GPS2: variants seen among roughly 807,000 people sequenced by gnomAD.
The protein encoded by GPS2 is G protein pathway suppressor 2.
Under a neutral mutation model 48.1 loss-of-function variants are expected in GPS2, and 22 were observed. The observed-to-expected ratio is 0.46, with a 90% confidence interval of 0.33 to 0.65. The LOEUF is 0.65. Ranked by LOEUF, GPS2 falls within the 30% of genes least tolerant of loss-of-function variation. The pLI, the probability that GPS2 is intolerant of heterozygous loss-of-function variation, is 0.03. For missense variants in GPS2, 366 were observed against 406.8 expected (o/e 0.90, Z 0.86); for synonymous variants, 202 against 142.5 (o/e 1.42, Z -2.98).
In GPS2 at chr17:7,315,312, G is replaced by T; in HGVS notation, c.-68+19C>A. 2.6e-6 allele frequency: 1 copy of T among 377,546 alleles called. No individual in the cohort carries two copies. The highest frequency in any genetic ancestry group is 4.7e-6 in the Non-Finnish European group (1 of 213,030). The allele number at this position is 377,546 out of a possible 1,614,324, so 23.4% of individuals were successfully genotyped here. On this transcript the variant is annotated intron_variant, in intron 1 of 10. Coordinates refer to ENST00000380728, the MANE Select transcript of GPS2 (RefSeq NM_004489.5). ...CTGCCGCTCCCTGCCCAGCCAGCGC[G>T]GACGACTGCCCTTCCTACCCGCCTT...
chr17:7,314,137 CTGA>C lies in GPS2; in HGVS notation c.337_339del (p.Ser113del), dbSNP rs1259510122. 6.2e-7 allele frequency: 1 copy of C among 1,613,900 alleles called. No homozygotes were observed. The highest frequency in any genetic ancestry group is 1.3e-5 in the African/African-American group (1 of 74,898). ...ACAGTCAGGCTCTGCTGGTATGCAGCTGATGTTAGGGTGGTCAGGTCACTGGAG... is the reference window on the plus strand; with the variant it reads ...ACAGTCAGGCTCTGCTGGTATGCAGCTGTTAGGGTGGTCAGGTCACTGGAG... On this transcript the variant is annotated inframe_deletion, in exon 5 of 11. Coordinates refer to ENST00000380728, the MANE Select transcript of GPS2 (RefSeq NM_004489.5).
rs1166742047 is a variant in GPS2, at chr17:7,315,019, T to C, written c.34A>G (p.Asn12Asp). 1 of 1,603,228 alleles carries C rather than the reference T, an allele frequency of 6.2e-7. No individual in the cohort carries two copies. The highest frequency in any genetic ancestry group is 1.7e-5 in the Admixed American group (1 of 59,004). Residue 12 changes from asparagine to aspartate, a missense_variant, in exon 2 of 11, where the codon AAC (asparagine) becomes GAC (aspartate). Transcript: ENST00000380728. ...PALLERPKLSNAMARALHRHI... is the reference protein window; with the variant it reads ...PALLERPKLSDAMARALHRHI... The stretch of plus-strand genomic sequence containing the variant: ...CGGTGCAGCGCCCTGGCCATGGCGT[T>C]GGAAAGCTTGGGGCGCTCCAGGAGT...
At position 7,313,680 on chromosome 17, in the gene GPS2, T is replaced by A; in HGVS notation, c.522A>T (p.Thr174=). The A allele has an allele frequency of 3.1e-6, 5 of 1,614,194 alleles. No individual in the cohort carries two copies. In the South Asian group the frequency reaches 4.4e-5, roughly 14 times the overall value. Residue 174 remains threonine (T), a synonymous_variant, in exon 7 of 11, where the codon ACA becomes ACT. Transcript: ENST00000380728. ...TGCCTTGGAATTGTCCATGCTCTGG[T>A]GTCCCTGCAAAAGCAGCTGCTGAGC... The part of the protein sequence containing the change: ...YVGSAAAFAG[T]PEHGQFQGSP...
intron 10 of GPS2, 90 bp from the exon 11 acceptor site, chr17:7,312,929 G>A (rs1292029859): frequency 7.4e-6 from 11 of 1,485,510 alleles, no homozygotes; most frequent in Middle Eastern, 3.5e-4. Context: ...CAAAGAGGAA[G>A]GAAAAACCAG....
chr17:7,313,736 T>C lies in GPS2; in HGVS notation c.481-15A>G, dbSNP rs370708649. The C allele has an allele frequency of 4.3e-6, 7 of 1,612,672 alleles. No individual in the cohort carries two copies. The highest frequency in any genetic ancestry group is 4.0e-5 in the African/African-American group (3 of 74,856). ...TAGTGCCGGGTCTAAGGAAGGAGAATGAGAACTCGCCTACAAACTCCTTGA... is the reference window on the plus strand; with the variant it reads ...TAGTGCCGGGTCTAAGGAAGGAGAACGAGAACTCGCCTACAAACTCCTTGA... On this transcript the variant is annotated splice_polypyrimidine_tract_variant and intron_variant, in intron 6 of 10. Coordinates refer to ENST00000380728, the MANE Select transcript of GPS2 (RefSeq NM_004489.5).
chr17:7,314,191 G>C (rs372956581), intron 4 of GPS2, 32 bp from the exon 5 acceptor site: 1 of 1,598,018 alleles, frequency 6.3e-7, no homozygotes, highest in African/African-American at 1.3e-5. Context: ...TCAAAGTCAA[G>C]GACAGATGCC....
chr17:7,314,702 T>C (rs1472969535), intron 2 of GPS2, 105 bp from the exon 3 acceptor site: 11 of 1,582,252 alleles, frequency 7.0e-6, no homozygotes, highest in Non-Finnish European at 9.4e-6. Flanking sequence ...GCCTGTATGC[T>C]CTTTGCCTCG....
intron 2 of GPS2, 56 bp from the exon 3 acceptor site, chr17:7,314,653 TACAGATTGAAG>T: frequency 6.2e-7 from 1 of 1,610,908 alleles, no homozygotes; most frequent in Non-Finnish European, 8.5e-7. Context: ...ATTCCAACGT[TACAGATTGAAG>T]ACCAGCAAAA....
Position 7,313,693 on chromosome 17 carries a change from G to A in GPS2, c.509C>T (p.Ala170Val), listed in dbSNP as rs371474455. 1.2e-6 allele frequency: 2 copies of A among 1,614,050 alleles called. No individual in the cohort carries two copies. The highest frequency in any genetic ancestry group is 2.7e-5 in the African/African-American group (2 of 74,898). Residue 170 changes from alanine to valine, a missense_variant, in exon 7 of 11, where the codon GCT becomes GTT. Transcript: ENST00000380728. ...TCCATGCTCTGGTGTCCCTGCAAAA[G>A]CAGCTGCTGAGCCCACGTAGTGCCG... ...TTRHYVGSAA[A>V]FAGTPEHGQF...
chr17:7,313,890 C>T lies in GPS2; in HGVS notation c.480+16G>A, dbSNP rs113385637. The T allele has an allele frequency of 3.7e-6, 6 of 1,609,008 alleles. No homozygotes were observed. In the African/African-American group the frequency reaches 6.7e-5, roughly 18 times the overall value. ...GATGGAAGTACTAGGGGCTAGGCAT[C>T]CAATCCTACTCTCACCGTAAGCACT... On this transcript the variant is annotated intron_variant, in intron 6 of 10. Coordinates refer to ENST00000380728, the MANE Select transcript of GPS2 (RefSeq NM_004489.5).
At position 7,313,061 on chromosome 17, in the gene GPS2, G is replaced by T. The variant is rs1304900652; in HGVS notation, c.868C>A (p.Gln290Lys). ...GCTGGCTGCATCTGCACAGGGAGCTGGGGGGAAGCAAGGAGTCCAGGGGCT... is the reference window on the plus strand; with the variant it reads ...GCTGGCTGCATCTGCACAGGGAGCTTGGGGGAAGCAAGGAGTCCAGGGGCT... ...HPAPGLLASP[Q>K]LPVQMQPAGK... The change falls in exon 10 of 11, where the codon CAG becomes AAG. Residue 290 changes from glutamine to lysine, a missense_variant. By Grantham distance (53) the Gln-to-Lys change is moderately conservative (BLOSUM62 1). Around this residue, in one of 3 missense-constraint regions of GPS2, gnomAD observed 275 missense variants for 282.3 expected, o/e 0.97. Coordinates refer to ENST00000380728, the MANE Select transcript of GPS2 (RefSeq NM_004489.5). 6.4e-7 allele frequency: 1 copy of T among 1,557,900 alleles called. No homozygotes were observed. The highest frequency in any genetic ancestry group is 1.8e-5 in the Admixed American group (1 of 54,226).
chr17:7,314,223 T>G, intron 4 of GPS2, 64 bp from the exon 5 acceptor site: 1 of 1,593,462 alleles, frequency 6.3e-7, no homozygotes, highest in East Asian at 2.2e-5. Flanking sequence ...CATTAAACAC[T>G]GGTTCTTTTA....
chr17:7,315,247 C>T (rs926201743), intron 1 of GPS2, 84 bp downstream of exon 1: 1 of 327,172 alleles, frequency 3.1e-6, no homozygotes, highest in African/African-American at 2.2e-5. Context: ...CAGCCCCAGT[C>T]CCACCGCGCG....
At chr17:7,312,948 G>A (rs1031087440) in intron 10 of GPS2, 81 bp downstream of exon 10, 2 of 1,457,434 alleles carry the variant, frequency 1.4e-6, no homozygotes, top group Non-Finnish European at 1.9e-6. Flanking sequence ...AGATGATGTG[G>A]GCCACCTGTC....
intron 1 of GPS2, 59 bp from the exon 2 acceptor site, chr17:7,315,178 C>G (rs960409950): frequency 3.8e-5 from 20 of 527,628 alleles, no homozygotes; most frequent in African/African-American, 3.6e-4. Context: ...AGCCCGTCCG[C>G]CCGGCCCGCT....
At position 7,313,966 on chromosome 17, in the gene GPS2, G is replaced by A; in HGVS notation, c.420C>T (p.Arg140=). 1.2e-6 allele frequency: 2 copies of A among 1,614,036 alleles called. No homozygotes were observed. The highest frequency in any genetic ancestry group is 8.5e-7 in the Non-Finnish European group (1 of 1,179,926). The change falls in exon 6 of 11, where the codon CGC becomes CGT. Residue 140 remains arginine, a synonymous_variant. Coordinates refer to ENST00000380728, the MANE Select transcript of GPS2 (RefSeq NM_004489.5). ...TGTCAGCTGCCATGAGGGTGCCTGG[G>A]CGATTGTGTCCTCCAGGGCTCCCTA... ...SMQGSPGGHN[R]PGTLMAADRA... is the part of the protein sequence containing the mutation.
rs1219824982 is a variant in GPS2 at position 7,315,001 on chromosome 17, G to T, written c.52C>A (p.Leu18Met). 1.2e-6 allele frequency: 2 copies of T among 1,603,650 alleles called. No individual in the cohort carries two copies. The highest frequency in any genetic ancestry group is 1.7e-5 in the Admixed American group (1 of 58,916). Residue 18 changes from leucine to methionine, a missense_variant, in exon 2 of 11, where the codon CTG becomes ATG. Leu to Met is a conservative substitution (Grantham distance 15, BLOSUM62 2). Coordinates refer to ENST00000380728, the MANE Select transcript of GPS2 (RefSeq NM_004489.5). Reference sequence around the variant, plus strand: ...CGCTCCATCATAATGTGCCGGTGCAGCGCCCTGGCCATGGCGTTGGAAAGC... The same window carrying T: ...CGCTCCATCATAATGTGCCGGTGCATCGCCCTGGCCATGGCGTTGGAAAGC... The part of the protein sequence containing the change: ...PKLSNAMARA[L>M]HRHIMMERER...
chr17:7,314,254 T>C (rs1166504409), intron 4 of GPS2, 37 bp downstream of exon 4: 1 of 1,600,024 alleles, frequency 6.2e-7, no homozygotes, highest in Admixed American at 1.7e-5. Flanking sequence ...CCAGTTCCAC[T>C]TGGCCCCCAT....
At chr17:7,314,806 G>T in intron 2 of GPS2, 153 bp downstream of exon 2, 1 of 1,277,310 alleles carries the variant, frequency 7.8e-7, no homozygotes, top group Non-Finnish European at 1.1e-6. Context: ...CTGGAGCGTG[G>T]AACAGGACGC....
Sources: allele counts gnomAD v4.1 joint callset, GRCh38; gene constraint gnomAD v4.1.1; regional missense constraint gnomAD v4.1.1; transcripts MANE v1.5; gene names NCBI Gene and HGNC (gene_info 2026-07-23, HGNC 2026-07-21).